IL1RAPL2: variants seen among roughly 807,000 people sequenced by gnomAD.
IL1RAPL2 encodes the protein interleukin 1 receptor accessory protein like 2, also known as X-linked interleukin-1 receptor accessory protein-like 2.
IL1RAPL2 carries 3 observed loss-of-function variants against 44.1 expected under a neutral mutation model. The observed-to-expected ratio is 0.07, with a 90% CI of 0.03 to 0.18. IL1RAPL2 has a LOEUF of 0.18. IL1RAPL2 is among the 10% of genes least tolerant of loss of function. The pLI is 1.00. For missense variants in IL1RAPL2, 391 were observed against 496.4 expected (o/e 0.79, Z 2.02); for synonymous variants, 181 against 178.8 (o/e 1.01, Z -0.10).
At chrX:104,633,923 T>C (rs1281922487) in intron 1 of IL1RAPL2, among the ~76,000 whole-genome samples, 1 of 111,584 alleles carries the variant, frequency 9.0e-6, no homozygotes, top group African/African-American at 3.3e-5. Flanking sequence ...CTAGTTCTTT[T>C]AATTGTGATG....
intron 2 of IL1RAPL2, among the ~76,000 whole-genome samples, chrX:105,062,974 T>G (rs964699226): frequency 4.5e-5 from 5 of 111,531 alleles, no homozygotes; most frequent in Non-Finnish European, 7.5e-5. Flanking sequence ...TATTGATATC[T>G]TTCTCTAGGT....
intron 2 of IL1RAPL2, among the ~76,000 whole-genome samples, chrX:105,137,220 T>G (rs887035462): frequency 8.9e-6 from 1 of 112,334 alleles, no homozygotes; most frequent in African/African-American, 3.2e-5. Flanking sequence ...GGTGGCTATT[T>G]AAATTTAAAT....
intron 10 of IL1RAPL2, among the ~76,000 whole-genome samples, chrX:105,759,946 A>C (rs1208875282): frequency 8.9e-6 from 1 of 111,897 alleles, no homozygotes; most frequent in East Asian, 2.8e-4. Flanking sequence ...TTTTCCAGAC[A>C]ATCTGATGTG....
At chrX:105,638,008 A>G (rs1170861260) in intron 6 of IL1RAPL2, among the ~76,000 whole-genome samples, 1 of 111,284 alleles carries the variant, frequency 9.0e-6, no homozygotes, top group East Asian at 2.9e-4. Flanking sequence ...TCTGTTCTTA[A>G]TATTAAATTA....
intron 2 of IL1RAPL2, among the ~76,000 whole-genome samples, chrX:104,943,089 G>A (rs927788656): frequency 9.9e-5 from 11 of 111,076 alleles, no homozygotes; most frequent in Non-Finnish European, 1.5e-4. Context: ...TGCTGGATTC[G>A]GTTTGCCAGT....
chrX:105,582,615 C>G (rs1332984142), intron 6 of IL1RAPL2, among the ~76,000 whole-genome samples: 2 of 109,983 alleles, frequency 1.8e-5, no homozygotes, highest in East Asian at 5.6e-4. Flanking sequence ...TTTTTACTGT[C>G]AAGTATAAGG....
chrX:105,000,379 A>T (rs2030830094), intron 2 of IL1RAPL2, among the ~76,000 whole-genome samples: 1 of 111,162 alleles, frequency 9.0e-6, no homozygotes, highest in Admixed American at 9.6e-5. Context: ...GGGACAGTAT[A>T]AAGACAAGTA....
chrX:105,034,426 T>C lies in IL1RAPL2; in HGVS notation c.83-161049T>C, dbSNP rs1602906778. On this transcript the variant is annotated intron_variant, in intron 2 of 10. Transcript: ENST00000372582. ...TGGTGTGGATGTCCTTTCTGTTTGTTAGTTTTCCTTCTTACAGACAGGACC... is the reference window on the plus strand; with the variant it reads ...TGGTGTGGATGTCCTTTCTGTTTGTCAGTTTTCCTTCTTACAGACAGGACC... Among the ~76,000 whole-genome samples the C allele has an allele frequency of 2.7e-5, 3 of 112,310 alleles. No individual in the cohort carries two copies. In the East Asian group the frequency reaches 8.4e-4, roughly 32 times the overall value.
intron 2 of IL1RAPL2, among the ~76,000 whole-genome samples, chrX:105,046,967 TGCCC>T (rs1478442607): frequency 9.1e-6 from 1 of 109,714 alleles, no homozygotes; most frequent in African/African-American, 3.3e-5. Flanking sequence ...AACCCCATTC[TGCCC>T]GCTCCCTTCA....
chrX:105,701,016 T>G (rs971451263), intron 6 of IL1RAPL2, among the ~76,000 whole-genome samples: 2 of 111,213 alleles, frequency 1.8e-5, no homozygotes, highest in African/African-American at 6.5e-5. Flanking sequence ...ACATGTCCTA[T>G]CTCCCTTTGG....
chrX:105,269,260 A>G (rs1459814007), intron 5 of IL1RAPL2, among the ~76,000 whole-genome samples: 1 of 110,856 alleles, frequency 9.0e-6, no homozygotes, highest in Non-Finnish European at 1.9e-5. Flanking sequence ...AAATCAGTCA[A>G]CTAATTAATA....
intron 6 of IL1RAPL2, among the ~76,000 whole-genome samples, chrX:105,567,003 A>C (rs2036979414): frequency 9.0e-6 from 1 of 111,514 alleles, no homozygotes; most frequent in African/African-American, 3.3e-5. Flanking sequence ...GCATTTAGGG[A>C]AACGGTACAG....
At chrX:105,078,668 T>C (rs2032351074) in intron 2 of IL1RAPL2, among the ~76,000 whole-genome samples, 1 of 112,590 alleles carries the variant, frequency 8.9e-6, no homozygotes, top group Admixed American at 9.3e-5. Context: ...CCTTGAGCTG[T>C]GGTGGGCTCC....
chrX:105,646,514 T>G (rs1382750484), intron 6 of IL1RAPL2, among the ~76,000 whole-genome samples: 3 of 111,916 alleles, frequency 2.7e-5, no homozygotes, highest in Admixed American at 9.5e-5. Context: ...AGACTGCTGT[T>G]GGTCAAGCCT....
chrX:104,982,322 C>T (rs752335014), intron 2 of IL1RAPL2, among the ~76,000 whole-genome samples: 9 of 111,253 alleles, frequency 8.1e-5, no homozygotes, highest in Non-Finnish European at 1.1e-4. Context: ...CTCATCCTCT[C>T]AACCACTTGG....
chrX:105,410,028 C>T (rs922522189), intron 5 of IL1RAPL2, among the ~76,000 whole-genome samples: 4 of 110,608 alleles, frequency 3.6e-5, no homozygotes, highest in Non-Finnish European at 7.6e-5. Context: ...TTGGTTTGAG[C>T]ACCTGGATAA....
intron 5 of IL1RAPL2, among the ~76,000 whole-genome samples, chrX:105,299,119 T>C (rs897915905): frequency 1.8e-5 from 2 of 111,962 alleles, no homozygotes; most frequent in South Asian, 3.8e-4. Flanking sequence ...GTTGTTATAA[T>C]ACATATAAGA....
At chrX:105,568,569 T>C (rs1394113288) in intron 6 of IL1RAPL2, among the ~76,000 whole-genome samples, 3 of 111,931 alleles carry the variant, frequency 2.7e-5, no homozygotes, top group Non-Finnish European at 5.7e-5. Flanking sequence ...GTATGACTTA[T>C]ATGTATTTGT....
chrX:104,828,563 C>T (rs923090912), intron 2 of IL1RAPL2, among the ~76,000 whole-genome samples: 4 of 97,905 alleles, frequency 4.1e-5, no homozygotes, highest in African/African-American at 7.5e-5. Flanking sequence ...AGGTGTCTGT[C>T]GACCCCTGTT....
Sources: allele counts gnomAD v4.1 joint callset (sites outside exome capture counted in the v4.1 genomes callset), GRCh38; gene constraint gnomAD v4.1.1; transcripts MANE v1.5; gene names NCBI Gene and HGNC (gene_info 2026-07-23, HGNC 2026-07-21).